Variants in PCDHA6 observed in about 807,000 individuals in gnomAD.
The protein encoded by PCDHA6 is protocadherin alpha 6.
PCDHA6 carries 55 observed loss-of-function variants against 60.3 expected under a neutral mutation model. The observed-to-expected ratio is 0.91, with a 90% confidence interval of 0.73 to 1.14. The LOEUF is 1.14. Ranked by LOEUF, PCDHA6 falls within the 50% of genes most tolerant of loss-of-function variation. The probability of loss-of-function intolerance (pLI) is 0.00; values close to 1 mark genes in which losing one functional copy is unlikely to be tolerated. For missense variants in PCDHA6, 1,327 were observed against 1,256.5 expected (o/e 1.06, Z -0.85); for synonymous variants, 652 against 557.9 (o/e 1.17, Z -2.38).
intron 1 of PCDHA6, chr5:140,862,278 C>G (rs1367349322): frequency 7.9e-6 from 2 of 252,960 alleles, no homozygotes; most frequent in Middle Eastern, 1.4e-3. Context: ...CTATCATTCC[C>G]TGTACAGGAG....
intron 1 of PCDHA6, chr5:140,856,300 T>C (rs1251498133): frequency 1.3e-6 from 2 of 1,598,422 alleles, no homozygotes; most frequent in African/African-American, 2.7e-5. Context: ...GCATTTTGTT[T>C]GTGAATTCTC....
chr5:140,911,134 C>T (rs2075341856), intron 1 of PCDHA6, among the ~76,000 whole-genome samples: 1 of 152,108 alleles, frequency 6.6e-6, no homozygotes. Context: ...TCAGGCAGTG[C>T]AGGGTTTTTC....
intron 1 of PCDHA6, among the ~76,000 whole-genome samples, chr5:140,897,060 A>G (rs2153455161): frequency 6.6e-6 from 1 of 152,068 alleles, no homozygotes; most frequent in East Asian, 1.9e-4. Flanking sequence ...GTCAAATACT[A>G]TGTCTTATTC....
chr5:140,927,758 A>G (rs781942462), intron 1 of PCDHA6: 1 of 1,614,170 alleles, frequency 6.2e-7, no homozygotes, highest in Non-Finnish European at 8.5e-7. Flanking sequence ...GTGCACCCTA[A>G]AAGTGGGGAG....
In PCDHA6 at chr5:140,842,752, G is replaced by A; in HGVS notation, c.2394+12267G>A. The A allele has an allele frequency of 8.2e-6, 13 of 1,595,020 alleles. 2 individuals are homozygous for A. The highest frequency in any genetic ancestry group is 1.1e-5 in the Non-Finnish European group (13 of 1,165,472). ...CGCCGGGCTGCCACATCTTCACGGT[G>A]TCTGCGCGAGACGCGGACGCGCAGG... On this transcript the variant is annotated intron_variant, in intron 1 of 3. Transcript: ENST00000529310.
intron 1 of PCDHA6, chr5:140,882,412 C>A: frequency 6.2e-7 from 1 of 1,614,138 alleles, no homozygotes; most frequent in Non-Finnish European, 8.5e-7. Context: ...TGGGCCGCAT[C>A]GCTCAGGACC....
chr5:140,901,100 C>G (rs1172808892), intron 1 of PCDHA6, among the ~76,000 whole-genome samples: 1 of 152,002 alleles, frequency 6.6e-6, no homozygotes, highest in East Asian at 1.9e-4. Flanking sequence ...CTTCTACATT[C>G]TGGTTATTCA....
intron 1 of PCDHA6, among the ~76,000 whole-genome samples, chr5:140,891,443 T>C (rs1181273099): frequency 6.7e-6 from 1 of 148,474 alleles, no homozygotes; most frequent in Non-Finnish European, 1.5e-5. Flanking sequence ...GTCCATTGTA[T>C]AGGATTTTTG....
At chr5:140,926,783 C>T (rs1230665699) in intron 1 of PCDHA6, 2 of 1,410,186 alleles carry the variant, frequency 1.4e-6, no homozygotes, top group Non-Finnish European at 1.8e-6. Flanking sequence ...CAGTGACGGC[C>T]GGCAGGAGCG....
chr5:140,841,165 C>A (rs1343151176), intron 1 of PCDHA6: 4 of 935,830 alleles, frequency 4.3e-6, no homozygotes, highest in Admixed American at 2.9e-5. Context: ...CCAAGAAGTT[C>A]TGGTTGGTCA....
chr5:140,993,460 TCTCA>T (rs200310897), intron 3 of PCDHA6, among the ~76,000 whole-genome samples: 2,027 of 104,544 alleles, frequency 0.019, 23 homozygotes, highest in Admixed American at 0.035. Flanking sequence ...CTTCTTTCTT[TCTCA>T]CACACACACA....
At chr5:140,842,669 G>C (rs1554139258) in intron 1 of PCDHA6, 2 of 1,595,384 alleles carry the variant, frequency 1.3e-6, no homozygotes, top group East Asian at 2.2e-5. Context: ...CGACGTGAAC[G>C]ACAATGCTCC....
chr5:140,943,420 G>T (rs1197382156), intron 1 of PCDHA6, among the ~76,000 whole-genome samples: 1 of 152,040 alleles, frequency 6.6e-6, no homozygotes, highest in Non-Finnish European at 1.5e-5. Context: ...AGAGGCAAGG[G>T]CTTTAATATG....
Position 140,925,879 on chromosome 5 carries a change from C to A in PCDHA6, c.2395-53070C>A, listed in dbSNP as rs138501139. Reference sequence around the variant, plus strand: ...GTTATTGCTATTGACTGGTTTATAACCTCCTCTTTCACCCAGATCGTCAAG... The same window carrying A: ...GTTATTGCTATTGACTGGTTTATAAACTCCTCTTTCACCCAGATCGTCAAG... On this transcript the variant is annotated intron_variant, in intron 1 of 3. Coordinates refer to ENST00000529310, the MANE Select transcript of PCDHA6 (RefSeq NM_018909.4). Among the ~76,000 whole-genome samples, 60 of 152,212 alleles carry A rather than the reference C, an allele frequency of 3.9e-4. No individual in the cohort carries two copies. In the East Asian group the frequency reaches 7.4e-3, roughly 19 times the overall value.
At chr5:140,851,486 C>T in intron 1 of PCDHA6, 1 of 886,580 alleles carries the variant, frequency 1.1e-6, no homozygotes, top group Non-Finnish European at 1.4e-6. Flanking sequence ...ATAAACACAG[C>T]CTTCATTTCA....
At chr5:140,911,168 T>C (rs1315264734) in intron 1 of PCDHA6, among the ~76,000 whole-genome samples, 1 of 152,190 alleles carries the variant, frequency 6.6e-6, no homozygotes, top group Non-Finnish European at 1.5e-5. Context: ...GTGGAAAGGC[T>C]GATGGCAGTG....
chr5:140,982,677 C>T, intron 3 of PCDHA6, 114 bp downstream of exon 3: 1 of 1,439,238 alleles, frequency 6.9e-7, no homozygotes, highest in Non-Finnish European at 9.1e-7. Flanking sequence ...TTTTGTTATT[C>T]CCTTTTTTCC....
Position 140,877,150 on chromosome 5 carries a change from G to C in PCDHA6, c.2394+46665G>C, listed in dbSNP as rs370292278. On this transcript the variant is annotated intron_variant, in intron 1 of 3. Transcript: ENST00000529310. ...GCAGGTGTTCGTGCTGGACGAGAAC[G>C]ACAACGCGCCGGCACTGCTGGCGAC... 1 of 1,613,790 alleles carries C rather than the reference G, an allele frequency of 6.2e-7. No individual in the cohort carries two copies. The highest frequency in any genetic ancestry group is 2.2e-5 in the East Asian group (1 of 44,870).
At chr5:140,923,950 C>T (rs544576500) in intron 1 of PCDHA6, among the ~76,000 whole-genome samples, 3 of 152,266 alleles carry the variant, frequency 2.0e-5, no homozygotes, top group Admixed American at 6.5e-5. Flanking sequence ...TTTTTCCTCA[C>T]GCCCTAATCT....
Sources: gnomAD v4.1 joint callset for allele counts (sites outside exome capture counted in the v4.1 genomes callset) on GRCh38, gnomAD v4.1.1 for gene constraint, MANE v1.5 for transcripts, NCBI Gene and HGNC (gene_info 2026-07-23, HGNC 2026-07-21) for gene names.